Variants in ITFG1 observed in about 807,000 individuals in gnomAD.
ITFG1 encodes the protein T-cell immunomodulatory protein.
Under a neutral mutation model 81.8 loss-of-function variants are expected in ITFG1, and 34 were observed. The ratio of observed to expected loss-of-function variants is 0.42; its 90% CI spans 0.32 to 0.55. The LOEUF is 0.55. ITFG1 is among the 20% of genes least tolerant of loss of function. ITFG1 has a pLI of 0.17. For missense variants in ITFG1, 672 were observed against 755.4 expected (o/e 0.89, Z 1.29); for synonymous variants, 285 against 270.6 (o/e 1.05, Z -0.52).
intron 6 of ITFG1, among the ~76,000 whole-genome samples, chr16:47,396,707 A>G (rs1968598830): frequency 6.6e-6 from 1 of 152,156 alleles, no homozygotes; most frequent in African/African-American, 2.4e-5. Flanking sequence ...GAGTGGATAT[A>G]AAGTAGCAGG....
chr16:47,274,414 T>C (rs1002941737), intron 10 of ITFG1, among the ~76,000 whole-genome samples: 2 of 152,112 alleles, frequency 1.3e-5, no homozygotes, highest in African/African-American at 4.8e-5. Flanking sequence ...GGAATGTATA[T>C]AAAATCAGCT....
intron 5 of ITFG1, among the ~76,000 whole-genome samples, chr16:47,444,701 AT>A (rs1256462237): frequency 3.3e-5 from 5 of 152,320 alleles, no homozygotes; most frequent in African/African-American, 1.2e-4. Context: ...AAGATACCAA[AT>A]ATACAACAAA....
In ITFG1 at chr16:47,176,833, T is replaced by C. The variant is rs1176050603; in HGVS notation, c.1454-14169A>G. Among the ~76,000 whole-genome samples the C allele has an allele frequency of 2.0e-5, 3 of 152,222 alleles. No individual in the cohort carries two copies. The South Asian group carries it at 6.2e-4, about 32-fold the overall frequency. On this transcript the variant is annotated intron_variant, in intron 14 of 17. Transcript: ENST00000320640. ...GTAATCAGTATTCTATTAAAGTCAA[T>C]GGTTCAAGCCTTTTTTGATAAGTGA...
chr16:47,224,951 A>T (rs1965740381), intron 13 of ITFG1, among the ~76,000 whole-genome samples: 1 of 152,124 alleles, frequency 6.6e-6, no homozygotes, highest in Admixed American at 6.5e-5. Context: ...GTGAGCCATG[A>T]TTGCACCACT....
intron 14 of ITFG1, among the ~76,000 whole-genome samples, chr16:47,214,526 T>A (rs1341587575): frequency 6.6e-6 from 1 of 152,236 alleles, no homozygotes; most frequent in African/African-American, 2.4e-5. Flanking sequence ...GGATGCCCAT[T>A]GCAGATCCCT....
At chr16:47,166,774 A>ATCAGT (rs375130489) in intron 14 of ITFG1, among the ~76,000 whole-genome samples, 21 of 152,236 alleles carry the variant, frequency 1.4e-4, no homozygotes, top group Admixed American at 4.6e-4. Context: ...TTTGCACCCA[A>ATCAGT]ATTAGTTTGC....
At chr16:47,185,400 A>G (rs1189274762) in intron 14 of ITFG1, among the ~76,000 whole-genome samples, 1 of 152,270 alleles carries the variant, frequency 6.6e-6, no homozygotes, top group Non-Finnish European at 1.5e-5. Flanking sequence ...AACAGAAATT[A>G]TAACAAACTG....
At chr16:47,401,902 C>G (rs569025399) in intron 6 of ITFG1, among the ~76,000 whole-genome samples, 1 of 152,108 alleles carries the variant, frequency 6.6e-6, no homozygotes, top group Non-Finnish European at 1.5e-5. Context: ...ACTCCCACTA[C>G]CCCCCATCCC....
intron 12 of ITFG1, among the ~76,000 whole-genome samples, chr16:47,248,798 TTAAG>T (rs917578560): frequency 2.6e-5 from 4 of 152,302 alleles, no homozygotes; most frequent in South Asian, 2.1e-4. Context: ...ACTTATTTTT[TTAAG>T]TAAGTATAAT....
rs563345065 is a variant in ITFG1, at chr16:47,421,299, CACACACAT to C, written c.655+7497_655+7504del. Among the ~76,000 whole-genome samples the C allele has an allele frequency of 5.0e-3, 745 of 148,818 alleles. 5 individuals are homozygous for C. Among genetic ancestry groups the C allele is most frequent in the African/African-American group, 0.018 (701 of 38,712 alleles). On this transcript the variant is annotated intron_variant, in intron 6 of 17. Coordinates refer to ENST00000320640, the MANE Select transcript of ITFG1 (RefSeq NM_030790.5). ...ACACACACACACACACACACACACA[CACACACAT>C]ACATATTTTTTTTTTCTGAGATGGA...
chr16:47,382,900 A>G (rs1968413587), intron 6 of ITFG1, among the ~76,000 whole-genome samples: 1 of 152,222 alleles, frequency 6.6e-6, no homozygotes. Context: ...TTTATTTTTC[A>G]TAACTTGTAT....
chr16:47,257,762 C>CT (rs1399776075), intron 12 of ITFG1, among the ~76,000 whole-genome samples: 1 of 152,084 alleles, frequency 6.6e-6, no homozygotes, highest in Non-Finnish European at 1.5e-5. Flanking sequence ...TTGAGAGAAC[C>CT]TGGAAGAAAT....
intron 5 of ITFG1, among the ~76,000 whole-genome samples, chr16:47,443,913 A>G (rs1969289086): frequency 6.6e-6 from 1 of 152,086 alleles, no homozygotes; most frequent in African/African-American, 2.4e-5. Context: ...TAAAATAAAT[A>G]AAATAAAATG....
chr16:47,260,709 G>A lies in ITFG1; in HGVS notation c.1071-14C>T, dbSNP rs753476919. On this transcript the variant is annotated splice_polypyrimidine_tract_variant and intron_variant, in intron 10 of 17. Coordinates refer to ENST00000320640, the MANE Select transcript of ITFG1 (RefSeq NM_030790.5). ...GCCTGCTGGTTGCTGTGCGCCAAAGGAAAGGCATTTCGTTAATATAAACAT... is the reference window on the plus strand; with the variant it reads ...GCCTGCTGGTTGCTGTGCGCCAAAGAAAAGGCATTTCGTTAATATAAACAT... 6.2e-7 allele frequency: 1 copy of A among 1,613,874 alleles called. No homozygotes were observed. Among genetic ancestry groups the A allele is most frequent in the African/African-American group, 1.3e-5 (1 of 74,904 alleles).
chr16:47,333,906 G>A (rs1253377599), intron 8 of ITFG1, among the ~76,000 whole-genome samples: 3 of 152,172 alleles, frequency 2.0e-5, no homozygotes, highest in African/African-American at 7.2e-5. Flanking sequence ...TCAATGAACT[G>A]TGATACCACA....
chr16:47,267,083 G>A (rs1966285681), intron 10 of ITFG1, among the ~76,000 whole-genome samples: 1 of 152,078 alleles, frequency 6.6e-6, no homozygotes, highest in Non-Finnish European at 1.5e-5. Flanking sequence ...CTTCATTCGG[G>A]GTTAATGAAA....
At chr16:47,353,103 A>G (rs1391393148) in intron 8 of ITFG1, among the ~76,000 whole-genome samples, 1 of 152,136 alleles carries the variant, frequency 6.6e-6, no homozygotes, top group Non-Finnish European at 1.5e-5. Context: ...AGATATACCT[A>G]ATGCTAAATG....
At chr16:47,408,684 T>C (rs1968761015) in intron 6 of ITFG1, among the ~76,000 whole-genome samples, 1 of 152,360 alleles carries the variant, frequency 6.6e-6, no homozygotes. Flanking sequence ...TTTATGTGAC[T>C]TGTCACAGCT....
rs770486725 is a variant in ITFG1, at chr16:47,452,809, T to C, written c.428-19A>G. The C allele has an allele frequency of 3.2e-5, 42 of 1,322,438 alleles. No individual in the cohort carries two copies. Among genetic ancestry groups the C allele is most frequent in the Admixed American group, 4.5e-5 (2 of 44,602 alleles). The allele number at this position is 1,322,438 out of a possible 1,614,324, so 81.9% of individuals were successfully genotyped here. Reference sequence around the variant, plus strand: ...TTAGGATCTGCAAAAAAGATATATATATATATGAATTAGCAGGCATTTTAT... The same window carrying C: ...TTAGGATCTGCAAAAAAGATATATACATATATGAATTAGCAGGCATTTTAT... On this transcript the variant is annotated intron_variant, in intron 3 of 17. Coordinates refer to ENST00000320640, the MANE Select transcript of ITFG1 (RefSeq NM_030790.5).
Sources: allele counts gnomAD v4.1 joint callset (sites outside exome capture counted in the v4.1 genomes callset), GRCh38; gene constraint gnomAD v4.1.1; transcripts MANE v1.5; gene names NCBI Gene and HGNC (gene_info 2026-07-23, HGNC 2026-07-21).